The following BANF2 variants were observed in gnomAD, a reference collection of about 807,000 sequenced individuals.
BANF2 encodes the protein BANF family member 2.
Under a neutral mutation model 8.0 loss-of-function variants are expected in BANF2, and 4 were observed. The ratio of observed to expected loss-of-function variants is 0.50; its 90% confidence interval spans 0.25 to 1.14. BANF2 has a LOEUF of 1.14. Among genes scored for constraint, BANF2 ranks in the 50% most tolerant of loss-of-function variants. The probability of loss-of-function intolerance (pLI) is 0.16; values close to 1 mark genes in which losing one functional copy is unlikely to be tolerated. For synonymous variants in BANF2, 50 were observed against 40.6 expected, an observed-to-expected ratio of 1.23 and a Z score of -0.88; for missense variants, 96 against 107.5, an observed-to-expected ratio of 0.89 and a Z score of 0.47.
intron 2 of BANF2, among the ~76,000 whole-genome samples, chr20:17,724,662 G>C (rs2037778201): frequency 6.6e-6 from 1 of 152,238 alleles, no homozygotes; most frequent in South Asian, 2.1e-4. Flanking sequence ...AAGAGAGAAG[G>C]TGGGTTAATT....
chr20:17,713,437 G>C (rs1477832425), intron 1 of BANF2, among the ~76,000 whole-genome samples: 1 of 152,170 alleles, frequency 6.6e-6, no homozygotes, highest in South Asian at 2.1e-4. Context: ...GGGGCTATGA[G>C]GAGGGGGAAA....
chr20:17,728,142 A>C (rs879270342), intron 3 of BANF2, among the ~76,000 whole-genome samples: 172 of 151,308 alleles, frequency 1.1e-3, no homozygotes, highest in Non-Finnish European at 1.8e-3. Context: ...TGCAGCCATC[A>C]CCCTCCCCTG....
At chr20:17,714,273 C>A (rs1414531338) in intron 1 of BANF2, among the ~76,000 whole-genome samples, 6 of 150,850 alleles carry the variant, frequency 4.0e-5, no homozygotes, top group Non-Finnish European at 7.4e-5. Context: ...ATTACAAATG[C>A]AGATATCTCA....
chr20:17,714,247 G>GAA (rs377361050), intron 1 of BANF2, among the ~76,000 whole-genome samples: 1 of 149,496 alleles, frequency 6.7e-6, no homozygotes, highest in Non-Finnish European at 1.5e-5. Flanking sequence ...AATAAAAGGT[G>GAA]AAAAAAAATA....
At chr20:17,695,232 A>G (rs900574296), upstream of BANF2, among the ~76,000 whole-genome samples, 2 of 151,918 alleles carry the variant, frequency 1.3e-5, no homozygotes, top group African/African-American at 2.4e-5. Context: ...GGATTGCTTG[A>G]GCCCAGGGGT....
chr20:17,712,472 G>A (rs2037587859), intron 1 of BANF2: 5 of 951,356 alleles, frequency 5.3e-6, no homozygotes, highest in Non-Finnish European at 6.3e-6. Context: ...CATTCCCACA[G>A]CCCGACAACC....
intron 1 of BANF2, chr20:17,712,567 T>C (rs2037589630): frequency 9.2e-6 from 9 of 974,374 alleles, no homozygotes; most frequent in Middle Eastern, 5.3e-4. Flanking sequence ...CCCGTGCCCA[T>C]GAACGTTCAT....
intron 1 of BANF2, among the ~76,000 whole-genome samples, chr20:17,706,104 G>A (rs1443181362): frequency 6.6e-6 from 1 of 152,224 alleles, no homozygotes; most frequent in Non-Finnish European, 1.5e-5. Flanking sequence ...CGGCATAGAT[G>A]AGGTTGAAGG....
At chr20:17,731,635 A>G (rs1162348870) in intron 3 of BANF2, 1 of 151,740 alleles carries the variant, frequency 6.6e-6, no homozygotes, top group Admixed American at 6.6e-5. Flanking sequence ...ACGTGCTTGT[A>G]GTTCCAGCTA....
At chr20:17,727,935 T>A (rs1258871625) in intron 3 of BANF2, among the ~76,000 whole-genome samples, 1 of 152,086 alleles carries the variant, frequency 6.6e-6, no homozygotes, top group East Asian at 1.9e-4. Flanking sequence ...GAGACACAGT[T>A]TTGCCATGTT....
intron 1 of BANF2, among the ~76,000 whole-genome samples, chr20:17,701,158 A>G (rs1478536324): frequency 2.6e-5 from 4 of 152,210 alleles, no homozygotes; most frequent in Non-Finnish European, 5.9e-5. Flanking sequence ...TTCACCAAGC[A>G]TGCTAAGAAC....
intron 2 of BANF2, among the ~76,000 whole-genome samples, chr20:17,723,446 G>T (rs753666446): frequency 4.1e-4 from 63 of 152,232 alleles, no homozygotes; most frequent in Admixed American, 1.6e-3. Context: ...CGAGAGAGCT[G>T]CCGGGAAATC....
At chr20:17,719,168 A>C (rs1317845681) in intron 1 of BANF2, among the ~76,000 whole-genome samples, 1 of 152,154 alleles carries the variant, frequency 6.6e-6, no homozygotes, top group Non-Finnish European at 1.5e-5. Flanking sequence ...CTTGTCACCC[A>C]GGCTGGAGTG....
intron 1 of BANF2, among the ~76,000 whole-genome samples, chr20:17,721,667 C>T (rs1479832848): frequency 1.3e-5 from 2 of 152,194 alleles, no homozygotes; most frequent in African/African-American, 4.8e-5. Flanking sequence ...GCTGCGATTA[C>T]AGGTGTGAGC....
At chr20:17,728,665 G>C (rs2037846988) in intron 3 of BANF2, among the ~76,000 whole-genome samples, 1 of 152,140 alleles carries the variant, frequency 6.6e-6, no homozygotes, top group Non-Finnish European at 1.5e-5. Flanking sequence ...CCTGGTTTAA[G>C]TCAGGACTTT....
intron 1 of BANF2, among the ~76,000 whole-genome samples, chr20:17,713,362 C>A (rs1293732760): frequency 6.6e-6 from 1 of 152,082 alleles, no homozygotes; most frequent in Non-Finnish European, 1.5e-5. Context: ...CTGTGTGATT[C>A]CACTTCCATG....
At chr20:17,733,458 G>A (rs1295264211) in intron 3 of BANF2, among the ~76,000 whole-genome samples, 1 of 152,124 alleles carries the variant, frequency 6.6e-6, no homozygotes, top group Non-Finnish European at 1.5e-5. Context: ...TATGGAGAAA[G>A]CTTTGTGTAA....
At chr20:17,733,665 G>A (rs1007850394) in intron 3 of BANF2, among the ~76,000 whole-genome samples, 6 of 152,008 alleles carry the variant, frequency 3.9e-5, no homozygotes, top group Non-Finnish European at 8.8e-5. Flanking sequence ...CAAAATGGGA[G>A]GATACTGATA....
At chr20:17,730,461 A>G (rs182404888) in intron 3 of BANF2, among the ~76,000 whole-genome samples, 1 of 151,634 alleles carries the variant, frequency 6.6e-6, no homozygotes. Flanking sequence ...CCTCCTTACC[A>G]GCGAGGCTTG....
Sources: gnomAD v4.1 joint callset for allele counts (sites outside exome capture counted in the v4.1 genomes callset) on GRCh38, gnomAD v4.1.1 for gene constraint, MANE v1.5 for transcripts, NCBI Gene and HGNC (gene_info 2026-07-23, HGNC 2026-07-21) for gene names.